CNTNAP2: variants seen among roughly 807,000 people sequenced by gnomAD.
The protein encoded by CNTNAP2 is contactin associated protein 2.
Under a neutral mutation model 155.2 loss-of-function variants are expected in CNTNAP2, and 98 were observed. That is an observed-to-expected ratio of 0.63 (90% CI 0.54 to 0.75). The LOEUF (loss-of-function observed/expected upper bound fraction) is 0.75, where lower values mean the gene tolerates loss of function less well. Ranked by LOEUF, CNTNAP2 falls within the 30% of genes least tolerant of loss-of-function variation. The probability of loss-of-function intolerance (pLI) is 0.00; values close to 1 mark genes in which losing one functional copy is unlikely to be tolerated. For synonymous variants in CNTNAP2, 651 were observed against 631.2 expected, an observed-to-expected ratio of 1.03 and a Z score of -0.47; for missense variants, 1,727 against 1,688.1, an observed-to-expected ratio of 1.02 and a Z score of -0.40.
At chr7:146,384,167 T>C (rs571198175) in intron 1 of CNTNAP2, among the ~76,000 whole-genome samples, 16 of 152,280 alleles carry the variant, frequency 1.1e-4, no homozygotes, top group African/African-American at 3.8e-4. Flanking sequence ...TATCAGAAAG[T>C]AAAAGTAAAA....
At chr7:147,519,040 A>G (rs1396399384) in intron 11 of CNTNAP2, among the ~76,000 whole-genome samples, 1 of 151,962 alleles carries the variant, frequency 6.6e-6, no homozygotes, top group Admixed American at 6.6e-5. Flanking sequence ...AAAAAAAAAA[A>G]AAAAAATTAT....
At chr7:146,999,105 G>A (rs1798373604) in intron 3 of CNTNAP2, among the ~76,000 whole-genome samples, 1 of 151,262 alleles carries the variant, frequency 6.6e-6, no homozygotes, top group African/African-American at 2.4e-5. Flanking sequence ...TAATTTTCAT[G>A]AAAATTGTTT....
At chr7:147,696,209 T>C (rs1796159185) in intron 13 of CNTNAP2, among the ~76,000 whole-genome samples, 1 of 152,212 alleles carries the variant, frequency 6.6e-6, no homozygotes, top group African/African-American at 2.4e-5. Flanking sequence ...TTAATATCTA[T>C]AATACTTGGG....
At chr7:148,100,012 C>T (rs1411937101) in intron 15 of CNTNAP2, among the ~76,000 whole-genome samples, 1 of 151,626 alleles carries the variant, frequency 6.6e-6, no homozygotes, top group Non-Finnish European at 1.5e-5. Context: ...GCTGGGATTA[C>T]AGACATATGC....
intron 11 of CNTNAP2, among the ~76,000 whole-genome samples, chr7:147,559,517 A>G (rs935133973): frequency 1.3e-5 from 2 of 152,264 alleles, no homozygotes; most frequent in African/African-American, 4.8e-5. Context: ...TTTGGGTAGA[A>G]CAACCAATGA....
At chr7:147,562,386 AT>A in intron 12 of CNTNAP2, 129 bp downstream of exon 12, 1 of 1,162,260 alleles carries the variant, frequency 8.6e-7, no homozygotes, top group Non-Finnish European at 1.3e-6. Context: ...ATATTGCTGG[AT>A]TTGTTAGATA....
In CNTNAP2 at chr7:147,644,351, T is replaced by C. The variant is rs141506835; in HGVS notation, c.2098+5045T>C. ...AGAACTTGAATTTGGCCGGGTGGGG[T>C]GGTTCAGGCCTGTAATCCCAGCACT... On this transcript the variant is annotated intron_variant, in intron 13 of 23. Coordinates refer to ENST00000361727, the MANE Select transcript of CNTNAP2 (RefSeq NM_014141.6). Among the ~76,000 whole-genome samples the C allele has an allele frequency of 2.1e-3, 318 of 152,234 alleles. 4 individuals carry two copies. Among genetic ancestry groups the C allele is most frequent in the Admixed American group, 0.015 (235 of 15,284 alleles).
intron 4 of CNTNAP2, among the ~76,000 whole-genome samples, chr7:147,102,974 T>C (rs1313491049): frequency 1.3e-5 from 2 of 152,226 alleles, no homozygotes; most frequent in Non-Finnish European, 2.9e-5. Context: ...ATCTGACTAT[T>C]GAAACCTCAA....
chr7:146,458,786 A>G (rs1796594336), intron 1 of CNTNAP2, among the ~76,000 whole-genome samples: 1 of 152,064 alleles, frequency 6.6e-6, no homozygotes, highest in South Asian at 2.1e-4. Context: ...CATCAGTTGA[A>G]AGCCTGAATC....
intron 12 of CNTNAP2, among the ~76,000 whole-genome samples, chr7:147,632,987 C>A (rs1179771478): frequency 1.3e-5 from 2 of 152,138 alleles, no homozygotes; most frequent in African/African-American, 2.4e-5. Context: ...AAATTTGCAG[C>A]CTGACAATGA....
At chr7:146,621,559 T>G (rs1799317532) in intron 1 of CNTNAP2, among the ~76,000 whole-genome samples, 1 of 152,196 alleles carries the variant, frequency 6.6e-6, no homozygotes, top group Non-Finnish European at 1.5e-5. Context: ...TGCAGAATGT[T>G]CATCAACTGG....
At chr7:147,377,647 T>C (rs1796459173) in intron 9 of CNTNAP2, among the ~76,000 whole-genome samples, 1 of 151,888 alleles carries the variant, frequency 6.6e-6, no homozygotes, top group African/African-American at 2.4e-5. Context: ...TTTCTGAAAA[T>C]ATCTTAATTT....
chr7:147,968,743 C>G (rs143426606), intron 14 of CNTNAP2, among the ~76,000 whole-genome samples: 1 of 152,144 alleles, frequency 6.6e-6, no homozygotes, highest in African/African-American at 2.4e-5. Flanking sequence ...ATGCCAGGAA[C>G]GTTCCTCTCT....
intron 10 of CNTNAP2, among the ~76,000 whole-genome samples, chr7:147,458,383 A>G (rs1797959317): frequency 1.3e-5 from 2 of 152,068 alleles, no homozygotes; most frequent in Non-Finnish European, 2.9e-5. Context: ...TAGACTCACA[A>G]GCAAAAGTCT....
chr7:147,543,101 G>GTAA (rs1041155167), intron 11 of CNTNAP2, among the ~76,000 whole-genome samples: 3 of 152,094 alleles, frequency 2.0e-5, no homozygotes, highest in African/African-American at 7.2e-5. Flanking sequence ...CCCGAACAGG[G>GTAA]ATTTACCCAC....
At chr7:146,654,972 TTTACC>T (rs776476338) in intron 1 of CNTNAP2, among the ~76,000 whole-genome samples, 6 of 152,090 alleles carry the variant, frequency 3.9e-5, no homozygotes, top group Non-Finnish European at 7.4e-5. Flanking sequence ...ATAAATCCCT[TTTACC>T]TAATAGGCAA....
intron 13 of CNTNAP2, among the ~76,000 whole-genome samples, chr7:147,726,672 T>C (rs1796650344): frequency 6.6e-6 from 1 of 151,968 alleles, no homozygotes; most frequent in East Asian, 1.9e-4. Context: ...GTTTACATAC[T>C]TCCCCCTTTA....
At chr7:146,664,060 T>G (rs2129166610) in intron 1 of CNTNAP2, among the ~76,000 whole-genome samples, 1 of 152,250 alleles carries the variant, frequency 6.6e-6, no homozygotes, top group Non-Finnish European at 1.5e-5. Context: ...GCTAGGGTTT[T>G]TATTATAAGT....
intron 16 of CNTNAP2, 131 bp from the exon 17 acceptor site, chr7:148,147,360 A>G: frequency 1.1e-6 from 1 of 882,648 alleles, no homozygotes; most frequent in East Asian, 2.4e-5. Flanking sequence ...TGATTTTGCC[A>G]TCGACCTTTG....
Sources: allele counts gnomAD v4.1 joint callset (sites outside exome capture counted in the v4.1 genomes callset), GRCh38; gene constraint gnomAD v4.1.1; transcripts MANE v1.5; gene names NCBI Gene and HGNC (gene_info 2026-07-23, HGNC 2026-07-21).